The following ARRB1 variants were observed in gnomAD, a reference collection of about 807,000 sequenced individuals.
ARRB1 encodes the protein beta-arrestin-1.
Under a neutral mutation model 56.8 loss-of-function variants are expected in ARRB1, and 21 were observed. The ratio of observed to expected loss-of-function variants is 0.37; its 90% CI spans 0.26 to 0.53. The LOEUF is 0.53. ARRB1 is among the 20% of genes least tolerant of loss of function. The probability of loss-of-function intolerance (pLI) is 0.88; values close to 1 mark genes in which losing one functional copy is unlikely to be tolerated. For missense variants in ARRB1, 424 were observed against 553.7 expected, an observed-to-expected ratio of 0.77 and a Z score of 2.35; for synonymous variants, 210 against 218.6, an observed-to-expected ratio of 0.96 and a Z score of 0.35.
intron 9 of ARRB1, 72 bp from the exon 10 acceptor site, chr11:75,276,983 G>A (rs1946215037): frequency 1.2e-5 from 13 of 1,051,390 alleles, no homozygotes; most frequent in East Asian, 2.5e-5. Flanking sequence ...AGGCGTCCCC[G>A]GGTTGGGGAT....
chr11:75,342,961 T>C (rs1229101515), intron 1 of ARRB1, among the ~76,000 whole-genome samples: 1 of 152,118 alleles, frequency 6.6e-6, no homozygotes, highest in Non-Finnish European at 1.5e-5. Flanking sequence ...TGGGCTACTT[T>C]GAGATATTTT....
intron 1 of ARRB1, among the ~76,000 whole-genome samples, chr11:75,322,698 T>C (rs1947366180): frequency 6.6e-6 from 1 of 152,108 alleles, no homozygotes; most frequent in Non-Finnish European, 1.5e-5. Context: ...CAGCAGATAA[T>C]TGACACAATG....
At chr11:75,287,741 G>A (rs1389158783) in intron 2 of ARRB1, among the ~76,000 whole-genome samples, 2 of 152,228 alleles carry the variant, frequency 1.3e-5, no homozygotes, top group East Asian at 1.9e-4. Context: ...GAGCCCCCAG[G>A]CAGGCGGGAG....
At chr11:75,281,258 C>G (rs1946330100) in intron 6 of ARRB1, 116 bp from the exon 7 acceptor site, 1 of 981,566 alleles carries the variant, frequency 1.0e-6, no homozygotes, top group East Asian at 2.6e-5. Flanking sequence ...CAAGCTCCCA[C>G]AGCCCAGCCT....
intron 1 of ARRB1, among the ~76,000 whole-genome samples, chr11:75,340,345 A>G (rs903307227): frequency 6.6e-6 from 1 of 152,222 alleles, no homozygotes; most frequent in Non-Finnish European, 1.5e-5. Flanking sequence ...CATTCTACAC[A>G]GTGTGGGCGG....
intron 1 of ARRB1, among the ~76,000 whole-genome samples, chr11:75,318,691 A>G (rs979148415): frequency 3.2e-4 from 48 of 149,456 alleles, no homozygotes; most frequent in African/African-American, 9.8e-4. Flanking sequence ...CTCTGTCTCA[A>G]AAAAAAAAAG....
At position 75,267,855 on chromosome 11, in the gene ARRB1, G is replaced by A. The variant is rs542420309; in HGVS notation, c.1094-152C>T. The A allele has an allele frequency of 7.2e-6, 5 of 693,384 alleles. No homozygotes were observed. In the African/African-American group the frequency reaches 8.8e-5, roughly 12 times the overall value. The allele number at this position is 693,384 out of a possible 1,614,324, so 43.0% of individuals were successfully genotyped here. ...TGGAGATGGGGGAGGACTCATTCCT[G>A]GTACTGAAACACCCCAAATCATCTG... On this transcript the variant is annotated intron_variant, in intron 14 of 15. Coordinates refer to ENST00000420843, the MANE Select transcript of ARRB1 (RefSeq NM_004041.5).
In ARRB1 at chr11:75,316,324, C is replaced by CA. The variant is rs11361682; in HGVS notation, c.21-26286dup. On this transcript the variant is annotated intron_variant, in intron 1 of 15. Transcript: ENST00000420843. ...CCTGGGTGACAGAGTGAGACTCTGT[C>CA]AAAAAAAAAAAAAAAGTGCTGGTTA... 5.0e-3 allele frequency among the ~76,000 whole-genome samples: 585 copies of CA among 115,978 alleles called. 3 individuals are homozygous for CA. Among genetic ancestry groups the CA allele is most frequent in the African/African-American group, 5.6e-3 (182 of 32,272 alleles). The allele number at this position is 115,978 out of a possible 152,430, so 76.1% of individuals were successfully genotyped here. A position where few individuals can be genotyped will look rare whatever the true frequency, so the allele number is the denominator to read the frequency against.
At chr11:75,309,498 C>A (rs1459098451) in intron 1 of ARRB1, among the ~76,000 whole-genome samples, 1 of 152,208 alleles carries the variant, frequency 6.6e-6, no homozygotes, top group Non-Finnish European at 1.5e-5. Flanking sequence ...GAGGCCCTGG[C>A]ACAGAGTTGG....
chr11:75,290,109 C>A, intron 1 of ARRB1, 70 bp from the exon 2 acceptor site: 1 of 1,599,510 alleles, frequency 6.3e-7, no homozygotes, highest in Non-Finnish European at 8.6e-7. Context: ...TGCGGGCCAC[C>A]TTGAGGCAGG....
At chr11:75,269,093 A>G (rs978562594) in intron 13 of ARRB1, 134 bp from the exon 14 acceptor site, 2 of 947,174 alleles carry the variant, frequency 2.1e-6, no homozygotes, top group East Asian at 2.5e-5. Context: ...GATGCCCTCC[A>G]GCCCCAGTTC....
At chr11:75,291,912 C>A (rs975311350) in intron 1 of ARRB1, among the ~76,000 whole-genome samples, 1 of 152,126 alleles carries the variant, frequency 6.6e-6, no homozygotes, top group African/African-American at 2.4e-5. Flanking sequence ...CAGTGAGGCC[C>A]GCCATGGCAC....
intron 1 of ARRB1, among the ~76,000 whole-genome samples, chr11:75,308,885 C>A (rs1301779043): frequency 6.6e-6 from 1 of 152,196 alleles, no homozygotes; most frequent in East Asian, 1.9e-4. Flanking sequence ...CAGGTACATG[C>A]CATCATGCCC....
At chr11:75,296,109 C>G (rs1388280747) in intron 1 of ARRB1, among the ~76,000 whole-genome samples, 4 of 146,694 alleles carry the variant, frequency 2.7e-5, no homozygotes, top group Admixed American at 7.0e-5. Flanking sequence ...TTACTTGAAC[C>G]CGGGAGGCAG....
chr11:75,271,575 C>T lies in ARRB1; in HGVS notation c.1022+126G>A, dbSNP rs748702994. The T allele has an allele frequency of 4.3e-4, 469 of 1,079,922 alleles. 1 individual carries two copies. Among genetic ancestry groups the T allele is most frequent in the Non-Finnish European group, 5.5e-4 (422 of 765,798 alleles). 66.9% of individuals were successfully genotyped at this position (1,079,922 alleles called of 1,614,324 possible). On this transcript the variant is annotated intron_variant, in intron 13 of 15. Transcript: ENST00000420843. ...TTGTGTCTCCCAGCTCACACCTGAA[C>T]CTGGCTATCTGAAATGACCACTAAG...
chr11:75,344,995 C>T (rs945776736), intron 1 of ARRB1, among the ~76,000 whole-genome samples: 1 of 152,214 alleles, frequency 6.6e-6, no homozygotes, highest in African/African-American at 2.4e-5. Flanking sequence ...GACTCGACAT[C>T]AGTCACAGTG....
intron 4 of ARRB1, 83 bp from the exon 5 acceptor site, chr11:75,283,566 G>T: frequency 7.3e-7 from 1 of 1,363,358 alleles, no homozygotes; most frequent in Non-Finnish European, 9.8e-7. Flanking sequence ...GCCCTGGGAC[G>T]GGCCCCACTG....
intron 5 of ARRB1, among the ~76,000 whole-genome samples, chr11:75,282,383 G>A (rs1946366015): frequency 6.6e-6 from 1 of 152,318 alleles, no homozygotes; most frequent in Non-Finnish European, 1.5e-5. Context: ...CTTGAGATGG[G>A]GACCGTATCC....
chr11:75,325,794 C>T (rs112296637), intron 1 of ARRB1, among the ~76,000 whole-genome samples: 3,216 of 152,298 alleles, frequency 0.021, 49 homozygotes, highest in Middle Eastern at 0.095. Flanking sequence ...CAGGCATGCC[C>T]CAGCCTCTCT....
Sources: allele counts gnomAD v4.1 joint callset (sites outside exome capture counted in the v4.1 genomes callset), GRCh38; gene constraint gnomAD v4.1.1; transcripts MANE v1.5; gene names NCBI Gene and HGNC (gene_info 2026-07-23, HGNC 2026-07-21).